Variants in NRXN1 observed in about 807,000 individuals in gnomAD.
NRXN1 encodes the protein neurexin 1, also known as neurexin-1.
NRXN1 carries 39 observed loss-of-function variants against 150.9 expected under a neutral mutation model. That is an observed-to-expected ratio of 0.26 (90% confidence interval 0.20 to 0.34). The LOEUF is 0.34. Ranked by LOEUF, NRXN1 falls within the 10% of genes least tolerant of loss-of-function variation. The probability of loss-of-function intolerance (pLI) is 1.00; values close to 1 mark genes in which losing one functional copy is unlikely to be tolerated. For synonymous variants in NRXN1, 924 were observed against 757.0 expected (o/e 1.22, Z -3.62); for missense variants, 1,815 against 1,949.9 (o/e 0.93, Z 1.30).
At chr2:50,946,756 A>G (rs868482828) in intron 2 of NRXN1, among the ~76,000 whole-genome samples, 1 of 152,176 alleles carries the variant, frequency 6.6e-6, no homozygotes, top group East Asian at 1.9e-4. Flanking sequence ...CAAACATGAA[A>G]TATTTCTGAT....
chr2:50,580,298 CTTCCTATAAA>C (rs1274728037), intron 8 of NRXN1, among the ~76,000 whole-genome samples: 1 of 152,156 alleles, frequency 6.6e-6, no homozygotes, highest in Non-Finnish European at 1.5e-5. Context: ...AGCATCCATC[CTTCCTATAAA>C]TCCCCACACC....
chr2:50,677,820 A>G (rs1689770798), intron 5 of NRXN1, among the ~76,000 whole-genome samples: 2 of 152,044 alleles, frequency 1.3e-5, no homozygotes, highest in African/African-American at 2.4e-5. Flanking sequence ...TTCCAAACCC[A>G]TTCCTACTTC....
chr2:50,714,459 T>A (rs758535057), intron 5 of NRXN1, among the ~76,000 whole-genome samples: 1 of 152,174 alleles, frequency 6.6e-6, no homozygotes, highest in Non-Finnish European at 1.5e-5. Flanking sequence ...CAGCCATTTT[T>A]CTGCTACTCA....
chr2:49,932,636 T>G (rs190138546), intron 22 of NRXN1, among the ~76,000 whole-genome samples: 142 of 152,312 alleles, frequency 9.3e-4, no homozygotes, highest in African/African-American at 3.2e-3. Context: ...CAAAACCTTC[T>G]TTCTTACATT....
chr2:50,975,678 C>A (rs925277733), intron 2 of NRXN1, among the ~76,000 whole-genome samples: 3 of 151,978 alleles, frequency 2.0e-5, no homozygotes, highest in African/African-American at 7.2e-5. Context: ...CTTTGCTTGC[C>A]CTGCGTCCTT....
intron 17 of NRXN1, among the ~76,000 whole-genome samples, chr2:50,433,563 A>ATTT (rs11383115): frequency 1.1e-4 from 16 of 144,608 alleles, no homozygotes; most frequent in African/African-American, 4.1e-4. Context: ...GGAGGTAATA[A>ATTT]TTTTTTTTTT....
At chr2:50,075,370 A>T (rs1696925683) in intron 19 of NRXN1, among the ~76,000 whole-genome samples, 1 of 152,230 alleles carries the variant, frequency 6.6e-6, no homozygotes, top group Admixed American at 6.5e-5. Flanking sequence ...TTTATTGTTT[A>T]TAGCTGATAA....
At chr2:50,405,107 G>A (rs1026131739) in intron 17 of NRXN1, among the ~76,000 whole-genome samples, 2 of 152,102 alleles carry the variant, frequency 1.3e-5, no homozygotes, top group Non-Finnish European at 2.9e-5. Flanking sequence ...GTCTATCTCT[G>A]CATTCTTCAT....
At chr2:50,404,084 C>G (rs549583238) in intron 17 of NRXN1, among the ~76,000 whole-genome samples, 10 of 152,044 alleles carry the variant, frequency 6.6e-5, no homozygotes, top group African/African-American at 2.2e-4. Flanking sequence ...CTCCCTACCC[C>G]CTACCACTTA....
intron 19 of NRXN1, among the ~76,000 whole-genome samples, chr2:50,056,850 T>A (rs1693723736): frequency 6.6e-6 from 1 of 152,170 alleles, no homozygotes; most frequent in Non-Finnish European, 1.5e-5. Context: ...ATAGTCTTAT[T>A]TGTCACTCAA....
intron 18 of NRXN1, among the ~76,000 whole-genome samples, chr2:50,155,899 A>G (rs1558991241): frequency 1.3e-5 from 2 of 151,744 alleles, no homozygotes. Context: ...AGACATTTGT[A>G]AATTTGTACA....
At chr2:50,438,304 T>G (rs1347592827) in intron 17 of NRXN1, among the ~76,000 whole-genome samples, 1 of 152,206 alleles carries the variant, frequency 6.6e-6, no homozygotes, top group Admixed American at 6.5e-5. Flanking sequence ...CAGCCCCAGA[T>G]GGAGAAAACT....
At chr2:50,216,928 G>T (rs980574209) in intron 18 of NRXN1, among the ~76,000 whole-genome samples, 2 of 151,984 alleles carry the variant, frequency 1.3e-5, no homozygotes. Context: ...TTTAGAAAGT[G>T]AAAAAATATC....
At chr2:50,965,190 CAT>C (rs1250792849) in intron 2 of NRXN1, among the ~76,000 whole-genome samples, 4 of 151,232 alleles carry the variant, frequency 2.6e-5, no homozygotes, top group Admixed American at 1.3e-4. Context: ...TATATTGTGT[CAT>C]ATGTATTTAC....
intron 5 of NRXN1, among the ~76,000 whole-genome samples, chr2:50,896,706 T>C (rs1488735749): frequency 6.6e-6 from 1 of 151,620 alleles, no homozygotes; most frequent in Non-Finnish European, 1.5e-5. Flanking sequence ...ATTAGCTGGG[T>C]GTGGTGGGGC....
At chr2:50,503,043 C>T (rs532104643) in intron 13 of NRXN1, among the ~76,000 whole-genome samples, 6 of 152,130 alleles carry the variant, frequency 3.9e-5, no homozygotes, top group Non-Finnish European at 5.9e-5. Flanking sequence ...CACGGTGGCT[C>T]ATGTCTGTAA....
chr2:50,079,635 A>C (rs1697640323), intron 19 of NRXN1, among the ~76,000 whole-genome samples: 1 of 152,148 alleles, frequency 6.6e-6, no homozygotes, highest in Admixed American at 6.5e-5. Flanking sequence ...TAGTTGTAAT[A>C]ATTTTGATGC....
chr2:50,596,863 C>CTTTTTTTTTTTTT, intron 8 of NRXN1, among the ~76,000 whole-genome samples: 1 of 92,152 alleles, frequency 1.1e-5, no homozygotes, highest in Non-Finnish European at 2.0e-5. Flanking sequence ...ATTCCTAGGA[C>CTTTTTTTTTTTTT]TTTTTTTTTT....
At chr2:49,947,693 A>G (rs909316714) in intron 21 of NRXN1, among the ~76,000 whole-genome samples, 2 of 151,582 alleles carry the variant, frequency 1.3e-5, no homozygotes, top group African/African-American at 4.8e-5. Context: ...GACAGCTTGA[A>G]GACAACAAAG....
Sources: allele counts gnomAD v4.1 joint callset (sites outside exome capture counted in the v4.1 genomes callset), GRCh38; gene constraint gnomAD v4.1.1; transcripts MANE v1.5; gene names NCBI Gene and HGNC (gene_info 2026-07-23, HGNC 2026-07-21).